The following SLC17A8 variants were observed in gnomAD, a reference collection of about 807,000 sequenced individuals.
The protein encoded by SLC17A8 is solute carrier family 17 member 8.
SLC17A8 carries 31 observed loss-of-function variants against 58.0 expected under a neutral mutation model. The observed-to-expected ratio is 0.53, with a 90% CI of 0.40 to 0.72. The LOEUF is 0.72. SLC17A8 is among the 30% of genes least tolerant of loss of function. The pLI, the probability that SLC17A8 is intolerant of heterozygous loss-of-function variation, is 0.00. For synonymous variants in SLC17A8, 228 were observed against 249.0 expected, an observed-to-expected ratio of 0.92 and a Z score of 0.79; for missense variants, 655 against 727.8, an observed-to-expected ratio of 0.90 and a Z score of 1.15.
chr12:100,378,759 G>C (rs905492946), intron 1 of SLC17A8, among the ~76,000 whole-genome samples: 1 of 152,116 alleles, frequency 6.6e-6, no homozygotes, highest in African/African-American at 2.4e-5. Flanking sequence ...CAGGCCGGCA[G>C]GTAGGTAGGT....
Position 100,402,725 on chromosome 12 carries a change from T to C in SLC17A8, c.1033T>C (p.Phe345Leu). Reference protein sequence around the residue: ...ISQPAYFEEVFGFAISKVGLL... With the variant: ...ISQPAYFEEVLGFAISKVGLL... ...TCAGCCTGCTTATTTTGAAGAGGTC[T>C]TTGGATTTGCAATAAGTAAGGTAAA... The change falls in exon 8 of 12, where the codon TTT becomes CTT. Residue 345 changes from phenylalanine (F) to leucine (L), a missense_variant. Transcript: ENST00000323346. 1.2e-6 allele frequency: 2 copies of C among 1,614,012 alleles called. No individual in the cohort carries two copies. The highest frequency in any genetic ancestry group is 1.7e-6 in the Non-Finnish European group (2 of 1,180,000).
intron 2 of SLC17A8, among the ~76,000 whole-genome samples, chr12:100,389,839 G>A (rs1592997456): frequency 9.7e-6 from 1 of 102,722 alleles, no homozygotes; most frequent in South Asian, 3.1e-4. Context: ...TATTACTATT[G>A]AGATGGAGTC....
chr12:100,374,213 T>C (rs535060975), intron 1 of SLC17A8, among the ~76,000 whole-genome samples: 1 of 152,336 alleles, frequency 6.6e-6, no homozygotes, highest in East Asian at 1.9e-4. Context: ...GTTATCTGAC[T>C]GCCCAGAAGC....
intron 11 of SLC17A8, among the ~76,000 whole-genome samples, chr12:100,419,165 A>T (rs542344951): frequency 1.3e-5 from 2 of 152,364 alleles, no homozygotes; most frequent in Non-Finnish European, 2.9e-5. Context: ...AAACAATTTT[A>T]ATTTAGCTGA....
intron 1 of SLC17A8, among the ~76,000 whole-genome samples, chr12:100,367,708 G>A (rs1159082379): frequency 6.6e-6 from 1 of 152,158 alleles, no homozygotes; most frequent in Non-Finnish European, 1.5e-5. Flanking sequence ...GAGCCACCAT[G>A]CTTGGCTAAT....
intron 1 of SLC17A8, among the ~76,000 whole-genome samples, chr12:100,360,942 A>G (rs573630320): frequency 6.6e-6 from 1 of 152,174 alleles, no homozygotes; most frequent in Non-Finnish European, 1.5e-5. Flanking sequence ...CCTTACAAGT[A>G]TGTCTATCTT....
intron 1 of SLC17A8, among the ~76,000 whole-genome samples, chr12:100,364,088 G>A (rs1456189300): frequency 6.7e-6 from 1 of 150,264 alleles, no homozygotes; most frequent in African/African-American, 2.4e-5. Flanking sequence ...AGCTCTGGCA[G>A]GCTGTCAGCT....
chr12:100,364,049 A>G (rs79733482), intron 1 of SLC17A8, among the ~76,000 whole-genome samples: 3 of 134,034 alleles, frequency 2.2e-5, no homozygotes, highest in Admixed American at 2.2e-4. Flanking sequence ...TTCCATCTCA[A>G]AAAAAAAAAA....
At chr12:100,375,009 C>T (rs990583594) in intron 1 of SLC17A8, among the ~76,000 whole-genome samples, 3 of 151,782 alleles carry the variant, frequency 2.0e-5, no homozygotes, top group African/African-American at 4.8e-5. Context: ...TCTTTCTCCC[C>T]ATCTCCCATA....
In SLC17A8 at chr12:100,412,862, A is replaced by T; in HGVS notation, c.1279A>T (p.Ser427Cys). Reference protein sequence around the residue: ...ISFLVLAVGFSGFAISGFNVN... With the variant: ...ISFLVLAVGFCGFAISGFNVN... ...CTTTCTGGTACTTGCTGTAGGATTT[A>T]GTGGCTTCGCTATTTCAGGTAATGT... is the stretch of plus-strand genomic sequence containing the variant. Residue 427 changes from serine (S) to cysteine (C), a missense_variant, in exon 10 of 12, where the codon AGT becomes TGT. Coordinates refer to ENST00000323346, the MANE Select transcript of SLC17A8 (RefSeq NM_139319.3). 1 of 1,613,864 alleles carries T rather than the reference A, an allele frequency of 6.2e-7. No homozygotes were observed. The highest frequency in any genetic ancestry group is 8.5e-7 in the Non-Finnish European group (1 of 1,179,788).
In SLC17A8 at chr12:100,390,989, T is replaced by G. The variant is rs1312414679; in HGVS notation, c.355-12T>G. 3 of 1,570,892 alleles carry G rather than the reference T, an allele frequency of 1.9e-6. No individual in the cohort carries two copies. Among genetic ancestry groups the G allele is most frequent in the Admixed American group, 3.3e-5 (2 of 59,940 alleles). ...CTAACAAACACAACTATATCTGATT[T>G]CTCATTTCCAGACAGCACAGTTTAA... On this transcript the variant is annotated splice_polypyrimidine_tract_variant and intron_variant, in intron 2 of 11. Coordinates refer to ENST00000323346, the MANE Select transcript of SLC17A8 (RefSeq NM_139319.3).
At chr12:100,399,307 CTGT>C (rs1432663730) in intron 5 of SLC17A8, among the ~76,000 whole-genome samples, 2 of 151,958 alleles carry the variant, frequency 1.3e-5, no homozygotes, top group Non-Finnish European at 2.9e-5. Context: ...GCTGAGTGCC[CTGT>C]TGTTTGCTCA....
intron 2 of SLC17A8, among the ~76,000 whole-genome samples, chr12:100,385,561 G>A (rs1454603181): frequency 6.6e-6 from 1 of 152,096 alleles, no homozygotes; most frequent in African/African-American, 2.4e-5. Flanking sequence ...CTACTCAGGT[G>A]TCCAGTCAGC....
In SLC17A8 at chr12:100,380,738, G is replaced by A. The variant is rs746961176; in HGVS notation, c.139G>A (p.Glu47Lys). 6.2e-7 allele frequency: 1 copy of A among 1,613,788 alleles called. No individual in the cohort carries two copies. The change falls in exon 2 of 12, where the codon GAG (glutamate) becomes AAG (lysine). Residue 47 changes from glutamate (E) to lysine (K), a missense_variant. Glu to Lys is a moderately conservative substitution (Grantham distance 56). Coordinates refer to ENST00000323346, the MANE Select transcript of SLC17A8 (RefSeq NM_139319.3). ...DGTTEEEDNI[E>K]LNEEGRPVQT... is the part of the protein sequence containing the mutation. ...GACAACTGAGGAAGAAGATAACATT[G>A]AGCTGAATGAAGAAGGAAGGCCGGT...
At chr12:100,359,510 C>T (rs1168417443) in intron 1 of SLC17A8, among the ~76,000 whole-genome samples, 2 of 152,172 alleles carry the variant, frequency 1.3e-5, no homozygotes, top group Non-Finnish European at 2.9e-5. Flanking sequence ...ACAGCTAGCA[C>T]AGTACTAGGG....
At chr12:100,391,418 C>T (rs1952715710) in intron 3 of SLC17A8, among the ~76,000 whole-genome samples, 1 of 136,648 alleles carries the variant, frequency 7.3e-6, no homozygotes, top group South Asian at 2.7e-4. Context: ...AACTCTGGTT[C>T]CTCAGCCTCC....
At chr12:100,364,079 G>C (rs1182403590) in intron 1 of SLC17A8, among the ~76,000 whole-genome samples, 2 of 144,040 alleles carry the variant, frequency 1.4e-5, no homozygotes. Context: ...AGCTTCTTTA[G>C]CTCTGGCAGG....
chr12:100,396,056 T>A (rs1008160876), intron 4 of SLC17A8, among the ~76,000 whole-genome samples: 1 of 152,176 alleles, frequency 6.6e-6, no homozygotes, highest in African/African-American at 2.4e-5. Flanking sequence ...ATGAGGGAGC[T>A]CTCTGGAGTT....
At chr12:100,372,444 C>T (rs911325744) in intron 1 of SLC17A8, among the ~76,000 whole-genome samples, 1 of 152,144 alleles carries the variant, frequency 6.6e-6, no homozygotes, top group Non-Finnish European at 1.5e-5. Flanking sequence ...AACTCCTGGG[C>T]TTAAGTGATC....
Sources: allele counts gnomAD v4.1 joint callset (sites outside exome capture counted in the v4.1 genomes callset), GRCh38; gene constraint gnomAD v4.1.1; transcripts MANE v1.5; gene names NCBI Gene and HGNC (gene_info 2026-07-23, HGNC 2026-07-21).